Variants in NUP188 observed in about 807,000 individuals in gnomAD.
NUP188 encodes the protein nucleoporin 188, also known as nucleoporin NUP188.
In NUP188, 97 loss-of-function variants were observed where a neutral mutation model predicts 223.0. The observed-to-expected ratio is 0.43, with a 90% CI of 0.37 to 0.51. The LOEUF (loss-of-function observed/expected upper bound fraction) is 0.51, where lower values mean the gene tolerates loss of function less well. Among genes scored for constraint, NUP188 ranks in the 20% least tolerant of loss-of-function variants. The pLI is 0.00. For missense variants in NUP188, 1,947 were observed against 2,175.6 expected (o/e 0.89, Z 2.09); for synonymous variants, 869 against 828.0 (o/e 1.05, Z -0.85).
chr9:128,998,510 T>G, intron 31 of NUP188, 28 bp from the exon 32 acceptor site: 1 of 1,599,270 alleles, frequency 6.3e-7, no homozygotes, highest in Non-Finnish European at 8.6e-7. Flanking sequence ...TTCCACTGAC[T>G]TCTGACTGGT....
Position 129,006,268 on chromosome 9 carries a change from G to A in NUP188, c.4973G>A (p.Cys1658Tyr). 4 of 1,614,188 alleles carry A rather than the reference G, an allele frequency of 2.5e-6. No individual in the cohort carries two copies. The highest frequency in any genetic ancestry group is 3.4e-6 in the Non-Finnish European group (4 of 1,180,024). Residue 1658 changes from cysteine to tyrosine, a missense_variant, in exon 43 of 44, where the codon TGC (cysteine) becomes TAC (tyrosine). Cys to Tyr is a radical substitution (Grantham distance 194). Transcript: ENST00000372577. ...KSLLMFTMENCFYLLISQAMR... is the reference protein window; with the variant it reads ...KSLLMFTMENYFYLLISQAMR... ...CTCCTGATGTTTACCATGGAAAACT[G>A]CTTCTACCTGCTCATCTCTCAGGCG...
At chr9:128,974,432 C>T (rs527253118) in intron 12 of NUP188, among the ~76,000 whole-genome samples, 78 of 136,722 alleles carry the variant, frequency 5.7e-4, no homozygotes, top group African/African-American at 1.9e-3. Context: ...CACTGTGTTG[C>T]CCAGGCTGGT....
In NUP188 at chr9:129,006,089, C is replaced by T. The variant is rs1461649954; in HGVS notation, c.4909C>T (p.Leu1637Phe). The T allele has an allele frequency of 1.2e-6, 2 of 1,614,064 alleles. No homozygotes were observed. Among genetic ancestry groups the T allele is most frequent in the Admixed American group, 3.3e-5 (2 of 60,010 alleles). ...GGAGCCCCTCACCCAGGCAGTGGGG[C>T]TCAGCACACAGGCAGAAGGGACCAG... ...KKEPLTQAVGLSTQAEGTRTL... is the reference protein window; with the variant it reads ...KKEPLTQAVGFSTQAEGTRTL... The change falls in exon 42 of 44, where the codon CTC becomes TTC. Residue 1637 changes from leucine (L) to phenylalanine (F), a missense_variant. By Grantham distance (22) the Leu-to-Phe change is conservative. Transcript: ENST00000372577.
At chr9:128,999,403 A>C (rs1842596230) in intron 33 of NUP188, 86 bp downstream of exon 33, 4 of 1,515,264 alleles carry the variant, frequency 2.6e-6, no homozygotes, top group Middle Eastern at 1.9e-4. Context: ...GCTTAGGGCC[A>C]CACATTTCTT....
chr9:128,996,706 C>T (rs1343227428), intron 30 of NUP188, among the ~76,000 whole-genome samples: 2 of 152,132 alleles, frequency 1.3e-5, no homozygotes, highest in South Asian at 2.1e-4. Flanking sequence ...TTTATGTCAC[C>T]TGCCTTTTAG....
intron 34 of NUP188, among the ~76,000 whole-genome samples, chr9:129,001,292 G>A (rs978948775): frequency 6.6e-6 from 1 of 152,098 alleles, no homozygotes; most frequent in Non-Finnish European, 1.5e-5. Flanking sequence ...AAGAGGCGGG[G>A]GTAGCTCTGG....
At chr9:128,991,712 G>A (rs11506953) in intron 25 of NUP188, among the ~76,000 whole-genome samples, 455 of 143,412 alleles carry the variant, frequency 3.2e-3, no homozygotes, top group African/African-American at 0.011. Flanking sequence ...GTGTGGCTGC[G>A]TGTGCCTGTA....
At chr9:128,980,208 C>G (rs1279418437) in intron 13 of NUP188, among the ~76,000 whole-genome samples, 2 of 152,154 alleles carry the variant, frequency 1.3e-5, no homozygotes, top group Non-Finnish European at 2.9e-5. Flanking sequence ...TGTTATAGAA[C>G]CACAGTGCTC....
intron 6 of NUP188, 114 bp downstream of exon 6, chr9:128,958,168 C>T: frequency 1.3e-6 from 1 of 754,102 alleles, no homozygotes; most frequent in South Asian, 1.7e-5. Flanking sequence ...GCATGGAGGT[C>T]TTTATGAAGA....
At chr9:129,005,962 T>C (rs1588298752) in intron 41 of NUP188, 88 bp from the exon 42 acceptor site, 1 of 1,471,610 alleles carries the variant, frequency 6.8e-7, no homozygotes, top group Admixed American at 1.8e-5. Flanking sequence ...TGATTAAATT[T>C]GCTTAGTGCA....
intron 12 of NUP188, among the ~76,000 whole-genome samples, chr9:128,978,024 C>T (rs939683301): frequency 2.0e-5 from 3 of 152,070 alleles, no homozygotes; most frequent in African/African-American, 2.4e-5. Context: ...ATTTGTCTAA[C>T]ATTGTACAGC....
rs767685652 is a variant in NUP188 at position 128,959,168 on chromosome 9, T to A, written c.585+34T>A. 8 of 1,507,666 alleles carry A rather than the reference T, an allele frequency of 5.3e-6. No individual in the cohort carries two copies. The African/African-American group carries it at 9.9e-5, about 19-fold the overall frequency. The allele number at this position is 1,507,666 out of a possible 1,614,324, so 93.4% of individuals were successfully genotyped here. ...TTACTGTGCTCTCCTGTAACTTTTT[T>A]TTTTTAAGATGGAGTTTCCCTCTGT... On this transcript the variant is annotated intron_variant, in intron 8 of 43. Transcript: ENST00000372577.
At chr9:128,982,778 C>G (rs1300385859) in intron 16 of NUP188, 77 bp downstream of exon 16, 2 of 1,587,628 alleles carry the variant, frequency 1.3e-6, no homozygotes, top group Non-Finnish European at 8.6e-7. Flanking sequence ...AATAGAATAT[C>G]TACATAAAAT....
rs1318007657 is a variant in NUP188 at position 128,988,190 on chromosome 9, T to G, written c.2533+4T>G. ...GAACAGGCTCTCTCACAACATGGTA[T>G]GTATTTCTCTTCCAGTCACAACATG... On this transcript the variant is annotated splice_donor_region_variant and intron_variant, in intron 24 of 43. Transcript: ENST00000372577. 1 of 1,613,878 alleles carries G rather than the reference T, an allele frequency of 6.2e-7. No homozygotes were observed. Among genetic ancestry groups the G allele is most frequent in the Admixed American group, 1.7e-5 (1 of 59,968 alleles).
Position 128,983,029 on chromosome 9 carries a change from G to A in NUP188, c.1796+1G>A. On this transcript the variant is annotated splice_donor_variant, in intron 17 of 43. Transcript: ENST00000372577. LOFTEE classifies it high-confidence loss of function. Reference sequence around the variant, plus strand: ...CTCGCATCTACATGCTGCTGCAGCGGTGAGTCTGTCTTGGCTGACCCTCAG... The same window carrying A: ...CTCGCATCTACATGCTGCTGCAGCGATGAGTCTGTCTTGGCTGACCCTCAG... The A allele has an allele frequency of 6.2e-7, 1 of 1,613,952 alleles. No individual in the cohort carries two copies. Among genetic ancestry groups the A allele is most frequent in the Non-Finnish European group, 8.5e-7 (1 of 1,180,008 alleles).
chr9:128,999,310 G>C lies in NUP188; in HGVS notation c.3654G>C (p.Glu1218Asp). The change falls in exon 33 of 44, where the codon GAG (glutamate) becomes GAC (aspartate). Residue 1218 changes from glutamate to aspartate, a missense_variant. Transcript: ENST00000372577. The stretch of plus-strand genomic sequence containing the variant: ...TCATCACAGTGTTGCAAATGAAGGA[G>C]ATGAAAGGTGAGGGGCAGAGGCAGG... ...SAFITVLQMK[E>D]MKVSDIPQYS... 1 of 1,613,994 alleles carries C rather than the reference G, an allele frequency of 6.2e-7. No homozygotes were observed. The highest frequency in any genetic ancestry group is 8.5e-7 in the Non-Finnish European group (1 of 1,179,894).
At chr9:128,996,634 G>C (rs1167474304) in intron 30 of NUP188, among the ~76,000 whole-genome samples, 1 of 152,066 alleles carries the variant, frequency 6.6e-6, no homozygotes, top group Non-Finnish European at 1.5e-5. Context: ...GACCCCTAAG[G>C]CTCCAAACAC....
At chr9:128,954,486 G>A (rs952070238) in intron 3 of NUP188, among the ~76,000 whole-genome samples, 29 of 149,680 alleles carry the variant, frequency 1.9e-4, no homozygotes, top group African/African-American at 5.7e-4. Context: ...CCGGGTTCAC[G>A]CCATTCTCCT....
intron 20 of NUP188, among the ~76,000 whole-genome samples, chr9:128,985,765 T>C (rs888616514): frequency 6.6e-6 from 1 of 152,230 alleles, no homozygotes; most frequent in Non-Finnish European, 1.5e-5. Context: ...CTGGGTGCAG[T>C]GATTCATGCC....
Sources: gnomAD v4.1 joint callset for allele counts (sites outside exome capture counted in the v4.1 genomes callset) on GRCh38, gnomAD v4.1.1 for gene constraint, MANE v1.5 for transcripts, NCBI Gene and HGNC (gene_info 2026-07-23, HGNC 2026-07-21) for gene names.